Variants in TMEM163 observed in about 807,000 individuals in gnomAD.
TMEM163 encodes transmembrane protein 163.
A neutral mutation model predicts 29.3 loss-of-function variants in TMEM163; 17 were observed. That is an observed-to-expected ratio of 0.58 (90% confidence interval 0.40 to 0.87). The LOEUF (loss-of-function observed/expected upper bound fraction) is 0.87. Ranked by LOEUF, TMEM163 falls within the 40% of genes least tolerant of loss-of-function variation. The probability of loss-of-function intolerance (pLI) is 0.00; values close to 1 mark genes in which losing one functional copy is unlikely to be tolerated. For missense variants in TMEM163, 303 were observed against 381.5 expected, an observed-to-expected ratio of 0.79 and a Z score of 1.71; for synonymous variants, 157 against 160.6, an observed-to-expected ratio of 0.98 and a Z score of 0.17.
rs557534442 is a variant in TMEM163 at position 134,594,635 on chromosome 2, G to T, written c.323-42544C>A. On this transcript the variant is annotated intron_variant, in intron 2 of 7. Transcript: ENST00000281924. ...GCAGAACTGTAGATCAGGGAGGCAC[G>T]CCCATTGGCAGAAAGCCTGCTTGCT... Among the ~76,000 whole-genome samples the T allele has an allele frequency of 3.9e-5, 6 of 152,316 alleles. No individual in the cohort carries two copies. The South Asian group carries it at 1.0e-3, about 26-fold the overall frequency.
At chr2:134,501,242 G>A (rs1253631805) in intron 5 of TMEM163, among the ~76,000 whole-genome samples, 1 of 152,204 alleles carries the variant, frequency 6.6e-6, no homozygotes, top group Non-Finnish European at 1.5e-5. Context: ...CAGCTTCTCT[G>A]AACCCCAGGT....
chr2:134,536,903 G>T (rs1425697293), intron 4 of TMEM163, among the ~76,000 whole-genome samples: 1 of 152,094 alleles, frequency 6.6e-6, no homozygotes, highest in South Asian at 2.1e-4. Flanking sequence ...AGTAAAGAAA[G>T]CCTCAATTAT....
intron 2 of TMEM163, among the ~76,000 whole-genome samples, chr2:134,694,739 T>C (rs1292218741): frequency 6.6e-6 from 1 of 152,216 alleles, no homozygotes; most frequent in Non-Finnish European, 1.5e-5. Context: ...AAAATGACTA[T>C]ATACACACAT....
At chr2:134,484,703 C>T (rs1225788636) in intron 5 of TMEM163, among the ~76,000 whole-genome samples, 1 of 152,104 alleles carries the variant, frequency 6.6e-6, no homozygotes, top group Non-Finnish European at 1.5e-5. Context: ...ACAATGACAA[C>T]AATAACAACA....
At chr2:134,474,972 T>G (rs774129087) in intron 5 of TMEM163, among the ~76,000 whole-genome samples, 2 of 152,076 alleles carry the variant, frequency 1.3e-5, no homozygotes, top group Non-Finnish European at 2.9e-5. Context: ...TTTAAAGAAA[T>G]AAAAATGGAC....
chr2:134,517,125 T>G (rs574404580), intron 4 of TMEM163, among the ~76,000 whole-genome samples: 1 of 150,994 alleles, frequency 6.6e-6, no homozygotes, highest in African/African-American at 2.4e-5. Context: ...GGACCTCTGG[T>G]AAAATTCACC....
At chr2:134,657,632 A>G (rs1363947402) in intron 2 of TMEM163, among the ~76,000 whole-genome samples, 1 of 152,128 alleles carries the variant, frequency 6.6e-6, no homozygotes, top group Admixed American at 6.5e-5. Context: ...GTGAAACCCC[A>G]TCTCTACTAA....
intron 2 of TMEM163, among the ~76,000 whole-genome samples, chr2:134,554,021 C>A (rs1680991744): frequency 6.6e-6 from 1 of 152,210 alleles, no homozygotes. Flanking sequence ...CCTTTACAAC[C>A]TGTTTTTAGA....
chr2:134,560,123 G>T (rs900322024), intron 2 of TMEM163, among the ~76,000 whole-genome samples: 3 of 152,110 alleles, frequency 2.0e-5, no homozygotes, highest in African/African-American at 7.2e-5. Flanking sequence ...TCAGGTTAGG[G>T]CTGTCCTGGC....
chr2:134,711,346 T>C (rs1459429209), intron 2 of TMEM163, among the ~76,000 whole-genome samples: 3 of 152,196 alleles, frequency 2.0e-5, no homozygotes, highest in African/African-American at 7.2e-5. Flanking sequence ...ACTCTATAGT[T>C]AAAGTGGAGG....
intron 2 of TMEM163, among the ~76,000 whole-genome samples, chr2:134,609,927 G>A (rs1214875787): frequency 6.6e-6 from 1 of 152,082 alleles, no homozygotes; most frequent in African/African-American, 2.4e-5. Flanking sequence ...AAAGGGCACA[G>A]AAGGGCTGAG....
At chr2:134,514,260 C>T (rs556481247) in intron 4 of TMEM163, among the ~76,000 whole-genome samples, 38 of 152,202 alleles carry the variant, frequency 2.5e-4, no homozygotes, top group African/African-American at 9.2e-4. Flanking sequence ...TGTTAGCAAA[C>T]CCTTTGTTTC....
At chr2:134,602,474 C>T (rs1476725963) in intron 2 of TMEM163, among the ~76,000 whole-genome samples, 1 of 152,116 alleles carries the variant, frequency 6.6e-6, no homozygotes, top group Non-Finnish European at 1.5e-5. Context: ...ACTGCCTAGC[C>T]CCAGTTAGGA....
At chr2:134,640,747 C>CA (rs1683205556) in intron 2 of TMEM163, among the ~76,000 whole-genome samples, 1 of 152,188 alleles carries the variant, frequency 6.6e-6, no homozygotes, top group African/African-American at 2.4e-5. Flanking sequence ...CACCCACGCT[C>CA]AGCCAAGCTC....
chr2:134,568,187 T>C (rs1041591274), intron 2 of TMEM163, among the ~76,000 whole-genome samples: 1 of 152,164 alleles, frequency 6.6e-6, no homozygotes. Flanking sequence ...CCAGCTTTCA[T>C]TAACTTTGAG....
At chr2:134,494,842 G>C (rs1679511715) in intron 5 of TMEM163, among the ~76,000 whole-genome samples, 1 of 152,212 alleles carries the variant, frequency 6.6e-6, no homozygotes, top group Non-Finnish European at 1.5e-5. Context: ...GGGTCCCCCA[G>C]GCACTCACTG....
At chr2:134,528,262 C>T (rs1197721456) in intron 4 of TMEM163, among the ~76,000 whole-genome samples, 2 of 152,180 alleles carry the variant, frequency 1.3e-5, no homozygotes, top group Admixed American at 6.5e-5. Flanking sequence ...AATTCAAGAC[C>T]GATGAAAGGC....
intron 4 of TMEM163, among the ~76,000 whole-genome samples, chr2:134,538,881 T>C (rs1273310627): frequency 6.6e-6 from 1 of 152,068 alleles, no homozygotes. Context: ...TGGGACTTTT[T>C]GTGGTAATGA....
At chr2:134,536,927 C>T (rs1400006836) in intron 4 of TMEM163, among the ~76,000 whole-genome samples, 1 of 152,158 alleles carries the variant, frequency 6.6e-6, no homozygotes, top group East Asian at 1.9e-4. Flanking sequence ...CAGATGATCA[C>T]AGTATCAACA....
Sources: allele counts gnomAD v4.1 joint callset (sites outside exome capture counted in the v4.1 genomes callset), GRCh38; gene constraint gnomAD v4.1.1; transcripts MANE v1.5; gene names NCBI Gene and HGNC (gene_info 2026-07-23, HGNC 2026-07-21).